Variants in ME1 observed in about 807,000 individuals in gnomAD.
The protein encoded by ME1 is NADP-dependent malic enzyme.
Under a neutral mutation model 66.4 loss-of-function variants are expected in ME1, and 74 were observed. The observed-to-expected ratio is 1.11, with a 90% confidence interval of 0.92 to 1.35. The LOEUF (loss-of-function observed/expected upper bound fraction) is 1.35. ME1 is among the 40% of genes most tolerant of loss of function. ME1 has a pLI of 0.00. For missense variants in ME1, 750 were observed against 694.1 expected, an observed-to-expected ratio of 1.08 and a Z score of -0.90; for synonymous variants, 251 against 235.6, an observed-to-expected ratio of 1.07 and a Z score of -0.60.
chr6:83,346,434 C>T (rs986570579), intron 4 of ME1, 100 bp from the exon 5 acceptor site: 1 of 660,496 alleles, frequency 1.5e-6, no homozygotes, highest in African/African-American at 1.9e-5. Flanking sequence ...AAATAGTAAG[C>T]TGTTAAAAAA....
chr6:83,327,760 T>A (rs1296156066), intron 5 of ME1, among the ~76,000 whole-genome samples: 1 of 152,180 alleles, frequency 6.6e-6, no homozygotes, highest in Non-Finnish European at 1.5e-5. Flanking sequence ...CACCCACACC[T>A]ATTTGCATAC....
At chr6:83,366,091 T>G (rs7768550) in intron 3 of ME1, among the ~76,000 whole-genome samples, 43,021 of 152,134 alleles carry the variant, frequency 0.28, 6,808 homozygotes, top group Middle Eastern at 0.48. Flanking sequence ...TCTCAGCTTC[T>G]GCTACATCAG....
chr6:83,358,383 A>G (rs1264681324), intron 3 of ME1, among the ~76,000 whole-genome samples: 1 of 152,188 alleles, frequency 6.6e-6, no homozygotes, highest in Non-Finnish European at 1.5e-5. Context: ...GGACAAAGTT[A>G]TGAAAGAAAA....
At chr6:83,225,612 A>C (rs1790181358) in intron 11 of ME1, among the ~76,000 whole-genome samples, 1 of 152,068 alleles carries the variant, frequency 6.6e-6, no homozygotes, top group Non-Finnish European at 1.5e-5. Flanking sequence ...AGGCAGAAAA[A>C]CAAATTCTCA....
intron 7 of ME1, among the ~76,000 whole-genome samples, chr6:83,239,971 T>C (rs73749768): frequency 0.1 from 15,552 of 152,106 alleles, 1,038 homozygotes; most frequent in East Asian, 0.25. Flanking sequence ...AGAGAAATTA[T>C]TGTGTACATC....
chr6:83,340,018 GAA>G lies in ME1; in HGVS notation c.600+6153_600+6154del, dbSNP rs1280043524. 4.0e-5 allele frequency among the ~76,000 whole-genome samples: 6 copies of G among 150,104 alleles called. No individual in the cohort carries two copies. The East Asian group carries it at 1.2e-3, about 29-fold the overall frequency. ...AAATGTGAAATACTATATAACATTA[GAA>G]GAATAGCAGAATAGAATATTGTTGC... On this transcript the variant is annotated intron_variant, in intron 5 of 13. Coordinates refer to ENST00000369705, the MANE Select transcript of ME1 (RefSeq NM_002395.6).
chr6:83,213,035 GT>G lies in ME1; in HGVS notation c.1549-942del, dbSNP rs572075871. Among the ~76,000 whole-genome samples the G allele has an allele frequency of 6.1e-4, 84 of 138,728 alleles. 1 individual carries two copies. The highest frequency in any genetic ancestry group is 7.6e-3 in the Middle Eastern group (2 of 264). The allele number at this position is 138,728 out of a possible 152,430, so 91.0% of individuals were successfully genotyped here. On this transcript the variant is annotated intron_variant, in intron 13 of 13. Coordinates refer to ENST00000369705, the MANE Select transcript of ME1 (RefSeq NM_002395.6). ...CATATATACTATTTAATTCACACCAGTTTTTTTTTTTTTTTGAGATGGAGTC... is the reference window on the plus strand; with the variant it reads ...CATATATACTATTTAATTCACACCAGTTTTTTTTTTTTTTGAGATGGAGTC...
At chr6:83,282,236 A>G (rs1384135992) in intron 6 of ME1, among the ~76,000 whole-genome samples, 1 of 152,230 alleles carries the variant, frequency 6.6e-6, no homozygotes, top group Non-Finnish European at 1.5e-5. Flanking sequence ...ACCAAAAGCA[A>G]TTGCAATGAA....
chr6:83,362,307 C>T (rs918479817), intron 3 of ME1, among the ~76,000 whole-genome samples: 2 of 152,174 alleles, frequency 1.3e-5, no homozygotes, highest in Non-Finnish European at 2.9e-5. Flanking sequence ...GTATGTGGAT[C>T]GACCTCTCCG....
At position 83,263,805 on chromosome 6, in the gene ME1, TAACATAACATAACATAACATAA is replaced by T. The variant is rs1211027330; in HGVS notation, c.705-10089_705-10068del. On this transcript the variant is annotated intron_variant, in intron 6 of 13. Transcript: ENST00000369705. Reference sequence around the variant, plus strand: ...TAACATAACATAACATAACATAACATAACATAACATAACATAACATAACATAACATAACATAACCTGCAAGGT... The same window carrying T: ...TAACATAACATAACATAACATAACATCATAACATAACATAACCTGCAAGGT... Among the ~76,000 whole-genome samples the T allele has an allele frequency of 2.0e-5, 3 of 147,434 alleles. No homozygotes were observed. The East Asian group carries it at 6.4e-4, about 32-fold the overall frequency.
chr6:83,405,807 C>T (rs1424043134), intron 2 of ME1, among the ~76,000 whole-genome samples: 1 of 150,150 alleles, frequency 6.7e-6, no homozygotes, highest in Non-Finnish European at 1.5e-5. Flanking sequence ...CTGCAAGCTC[C>T]GCCTCCCGGG....
chr6:83,261,722 A>G (rs907237028), intron 6 of ME1, among the ~76,000 whole-genome samples: 1 of 152,034 alleles, frequency 6.6e-6, no homozygotes, highest in Non-Finnish European at 1.5e-5. Flanking sequence ...GTGAAGTATG[A>G]AAAAGCATAG....
chr6:83,407,872 C>T lies in ME1; in HGVS notation c.108G>A (p.Gln36=). The change falls in exon 2 of 14, where the codon CAG becomes CAA. Residue 36 remains glutamine (Q), a synonymous_variant. Transcript: ENST00000369705. ...KDLAFTLEER[Q]QLNIHGLLPP... is the part of the protein sequence containing the mutation. ...GCAACAATCCATGAATGTTCAATTGCTGTCTCTCTTCCAGGGTAAAGGCCA... is the reference window on the plus strand; with the variant it reads ...GCAACAATCCATGAATGTTCAATTGTTGTCTCTCTTCCAGGGTAAAGGCCA... 1 of 1,612,866 alleles carries T rather than the reference C, an allele frequency of 6.2e-7. No individual in the cohort carries two copies. Among genetic ancestry groups the T allele is most frequent in the South Asian group, 1.1e-5 (1 of 90,832 alleles).
At chr6:83,228,400 A>C (rs765504903) in intron 10 of ME1, among the ~76,000 whole-genome samples, 41 of 152,160 alleles carry the variant, frequency 2.7e-4, no homozygotes, top group Non-Finnish European at 5.1e-4. Context: ...ATTTAGTAGA[A>C]TCATTCCGCT....
intron 6 of ME1, among the ~76,000 whole-genome samples, chr6:83,300,027 A>G (rs1341662674): frequency 1.3e-5 from 2 of 152,116 alleles, no homozygotes; most frequent in Admixed American, 6.5e-5. Flanking sequence ...GGATTTTCGC[A>G]TCAATGTTCA....
chr6:83,343,198 T>C (rs1768622189), intron 5 of ME1, among the ~76,000 whole-genome samples: 1 of 152,198 alleles, frequency 6.6e-6, no homozygotes, highest in Non-Finnish European at 1.5e-5. Context: ...TCCCAGCCTT[T>C]GGCAACTATC....
chr6:83,356,917 C>A (rs759308411), intron 3 of ME1, among the ~76,000 whole-genome samples: 1 of 152,090 alleles, frequency 6.6e-6, no homozygotes, highest in Non-Finnish European at 1.5e-5. Context: ...CACATTTCAC[C>A]AGTTGTTCCA....
At chr6:83,413,272 A>G (rs1200332041) in intron 1 of ME1, among the ~76,000 whole-genome samples, 1 of 152,162 alleles carries the variant, frequency 6.6e-6, no homozygotes, top group African/African-American at 2.4e-5. Context: ...TTGGCCTCCC[A>G]AAGTCCTAGG....
chr6:83,210,774 A>T lies in ME1; in HGVS notation c.*1150T>A, dbSNP rs1023634618. 2 of 152,178 alleles carry T rather than the reference A, an allele frequency of 1.3e-5. No individual in the cohort carries two copies. Among genetic ancestry groups the T allele is most frequent in the African/African-American group, 2.4e-5 (1 of 41,456 alleles). The allele number at this position is 152,178 out of a possible 1,614,324, so 9.4% of individuals were successfully genotyped here. ...TTGCACCTTAGCTTTATAATTTAAAATTTTTTCCATTACTTCAAACATTAG... is the reference window on the plus strand; with the variant it reads ...TTGCACCTTAGCTTTATAATTTAAATTTTTTTCCATTACTTCAAACATTAG... On this transcript the variant is annotated 3_prime_UTR_variant, in exon 14 of 14. Transcript: ENST00000369705.
Sources: gnomAD v4.1 joint callset for allele counts (sites outside exome capture counted in the v4.1 genomes callset) on GRCh38, gnomAD v4.1.1 for gene constraint, MANE v1.5 for transcripts, NCBI Gene and HGNC (gene_info 2026-07-23, HGNC 2026-07-21) for gene names.